Variants in SLC5A1 observed in about 807,000 individuals in gnomAD.
SLC5A1 encodes sodium/glucose cotransporter 1.
SLC5A1 carries 42 observed loss-of-function variants against 73.5 expected under a neutral mutation model. The ratio of observed to expected loss-of-function variants is 0.57; its 90% CI spans 0.45 to 0.74. The LOEUF (loss-of-function observed/expected upper bound fraction) is 0.74. Ranked by LOEUF, SLC5A1 falls within the 30% of genes least tolerant of loss-of-function variation. The pLI, the probability that SLC5A1 is intolerant of heterozygous loss-of-function variation, is 0.00. For missense variants in SLC5A1, 634 were observed against 855.4 expected, an observed-to-expected ratio of 0.74 and a Z score of 3.23; for synonymous variants, 300 against 317.4, an observed-to-expected ratio of 0.95 and a Z score of 0.58.
chr22:32,089,667 A>G (rs1346475240), intron 10 of SLC5A1, among the ~76,000 whole-genome samples: 2 of 152,190 alleles, frequency 1.3e-5, no homozygotes, highest in African/African-American at 2.4e-5. Context: ...ATTTCAGCCT[A>G]CTCAGAACTG....
rs115110265 is a variant in SLC5A1, at chr22:32,070,561, T to C, written c.477+1961T>C. On this transcript the variant is annotated intron_variant, in intron 5 of 14. Transcript: ENST00000266088. ...GTTGCCCAGGCTGATCTCAAACTCC[T>C]GGACTCAAGCAATTCTTCTGCCTCA... Among the ~76,000 whole-genome samples the C allele has an allele frequency of 4.2e-3, 635 of 152,080 alleles. 2 individuals carry two copies. Among genetic ancestry groups the C allele is most frequent in the African/African-American group, 0.015 (610 of 41,456 alleles).
chr22:32,059,026 T>C (rs2093956215), intron 2 of SLC5A1: 2 of 780,322 alleles, frequency 2.6e-6, no homozygotes, highest in Non-Finnish European at 3.1e-6. Context: ...TGATATCACT[T>C]ACTCACTCAG....
At chr22:32,058,192 A>C (rs1440409166) in intron 2 of SLC5A1, among the ~76,000 whole-genome samples, 1 of 152,124 alleles carries the variant, frequency 6.6e-6, no homozygotes, top group African/African-American at 2.4e-5. Flanking sequence ...TGTCATAACG[A>C]ATTCTTCAAA....
At chr22:32,081,323 G>C (rs1320257289) in intron 5 of SLC5A1, among the ~76,000 whole-genome samples, 3 of 152,142 alleles carry the variant, frequency 2.0e-5, no homozygotes, top group Non-Finnish European at 4.4e-5. Flanking sequence ...TGATGTTCTG[G>C]TTGTGTCTGA....
At chr22:32,074,052 A>G (rs2093986963) in intron 5 of SLC5A1, among the ~76,000 whole-genome samples, 1 of 152,080 alleles carries the variant, frequency 6.6e-6, no homozygotes, top group Non-Finnish European at 1.5e-5. Context: ...AGGAGGTCAC[A>G]CTGCAATGAG....
At chr22:32,068,786 C>T (rs1164350874) in intron 5 of SLC5A1, among the ~76,000 whole-genome samples, 186 bp downstream of exon 5, 1 of 152,018 alleles carries the variant, frequency 6.6e-6, no homozygotes, top group Non-Finnish European at 1.5e-5. Flanking sequence ...GGAAATCTGT[C>T]CTCCACTGTG....
At chr22:32,101,987 T>C in intron 12 of SLC5A1, 35 bp from the exon 13 acceptor site, 2 of 1,516,798 alleles carry the variant, frequency 1.3e-6, no homozygotes, top group Non-Finnish European at 1.8e-6. Flanking sequence ...GTTTTGTGTG[T>C]TCAGCATGAG....
chr22:32,099,409 G>A, intron 12 of SLC5A1, 58 bp downstream of exon 12: 1 of 1,463,084 alleles, frequency 6.8e-7, no homozygotes, highest in Non-Finnish European at 9.5e-7. Context: ...TTTCCATGTG[G>A]GTTTGCATAT....
At chr22:32,054,953 G>T (rs572542967) in intron 2 of SLC5A1, among the ~76,000 whole-genome samples, 44 of 152,294 alleles carry the variant, frequency 2.9e-4, no homozygotes, top group African/African-American at 1.0e-3. Context: ...GGGATTACAG[G>T]TGTGAGCCAC....
Position 32,043,376 on chromosome 22 carries a change from TC to T in SLC5A1, c.96del (p.Ile32MetfsTer7). The stretch of plus-strand genomic sequence containing the variant: ...CGCAATGCAGCCGATATCTCCATCA[TC>T]GTTATCTACTTCGTGGTAGTGATGG... ...LIRNAADISI[I>X]VIYFVVVMAV... On this transcript the variant is annotated frameshift_variant, in exon 1 of 15. Transcript: ENST00000266088. LOFTEE classifies it high-confidence loss of function. The surrounding 1 kb of genome is among the most constrained non-coding windows in gnomAD (Gnocchi z 6.5). 1 of 1,614,114 alleles carries T rather than the reference TC, an allele frequency of 6.2e-7. No homozygotes were observed. Among genetic ancestry groups the T allele is most frequent in the African/African-American group, 1.3e-5 (1 of 75,046 alleles).
At chr22:32,107,928 C>A (rs536569456) in intron 14 of SLC5A1, among the ~76,000 whole-genome samples, 1 of 152,256 alleles carries the variant, frequency 6.6e-6, no homozygotes, top group Non-Finnish European at 1.5e-5. Context: ...ACCACCACCA[C>A]CACCACCACC....
chr22:32,082,250 G>C (rs2149491752), intron 6 of SLC5A1, among the ~76,000 whole-genome samples: 1 of 152,294 alleles, frequency 6.6e-6, no homozygotes, highest in East Asian at 1.9e-4. Flanking sequence ...ACTTAGCTAA[G>C]GTGGGAGAAT....
chr22:32,084,881 A>T lies in SLC5A1; in HGVS notation c.886-19A>T. ...GGTCTCTGGTCTGCACACCTCCCTT[A>T]CTGGGCTTTTTCTGGCAGGTCATTG... On this transcript the variant is annotated intron_variant, in intron 8 of 14. Coordinates refer to ENST00000266088, the MANE Select transcript of SLC5A1 (RefSeq NM_000343.4). The T allele has an allele frequency of 6.2e-7, 1 of 1,613,752 alleles. No individual in the cohort carries two copies. Among genetic ancestry groups the T allele is most frequent in the South Asian group, 1.1e-5 (1 of 91,058 alleles).
At position 32,083,082 on chromosome 22, in the gene SLC5A1, G is replaced by A; in HGVS notation, c.592G>A (p.Ala198Thr). Reference protein sequence around the residue: ...TALYTITGGLAAVIYTDTLQT... With the variant: ...TALYTITGGLTAVIYTDTLQT... ...TCTTCTTGCCTGCTTAGGGGGCCTG[G>A]CGGCGGTGATTTACACGGACACCTT... The change falls in exon 7 of 15, where the codon GCG becomes ACG. Residue 198 changes from alanine (A) to threonine (T), a missense_variant. Physicochemically the swap from Ala to Thr is moderately conservative, Grantham distance 58. This residue lies in a region of SLC5A1 where 422 missense variants were observed against 626.1 expected (regional missense o/e 0.67). Transcript: ENST00000266088. 6.2e-7 allele frequency: 1 copy of A among 1,614,164 alleles called. No individual in the cohort carries two copies. The highest frequency in any genetic ancestry group is 8.5e-7 in the Non-Finnish European group (1 of 1,179,994).
chr22:32,086,255 A>G lies in SLC5A1; in HGVS notation c.1057A>G (p.Lys353Glu), dbSNP rs1159979020. The G allele has an allele frequency of 6.2e-7, 1 of 1,613,916 alleles. No individual in the cohort carries two copies. The highest frequency in any genetic ancestry group is 8.5e-7 in the Non-Finnish European group (1 of 1,179,940). Residue 353 changes from lysine (K) to glutamate (E), a missense_variant, in exon 10 of 15, where the codon AAA becomes GAA. Lys to Glu is a moderately conservative substitution (Grantham distance 56, BLOSUM62 1). This residue lies in a region of SLC5A1 where 422 missense variants were observed against 626.1 expected (regional missense o/e 0.67). Coordinates refer to ENST00000266088, the MANE Select transcript of SLC5A1 (RefSeq NM_000343.4). ...IACVVPSECE[K>E]YCGTKVGCTN... ...CTGTGTCGTCCCTTCAGAATGTGAGAAATATTGCGGTACCAAGGTTGGCTG... is the reference window on the plus strand; with the variant it reads ...CTGTGTCGTCCCTTCAGAATGTGAGGAATATTGCGGTACCAAGGTTGGCTG...
intron 11 of SLC5A1, among the ~76,000 whole-genome samples, chr22:32,098,133 C>G (rs999015811): frequency 2.6e-5 from 4 of 152,204 alleles, no homozygotes; most frequent in African/African-American, 9.7e-5. Flanking sequence ...GAAAATCAGT[C>G]AGGCAGTTTC....
chr22:32,097,738 CACTT>C (rs747128601), intron 11 of SLC5A1, among the ~76,000 whole-genome samples: 9 of 152,200 alleles, frequency 5.9e-5, no homozygotes, highest in Non-Finnish European at 1.0e-4. Context: ...GTTTTACTCT[CACTT>C]AGTTAACTAT....
Position 32,084,518 on chromosome 22 carries a change from C to T in SLC5A1, c.744C>T (p.Asn248=), listed in dbSNP as rs185126699. 340 of 1,614,232 alleles carry T rather than the reference C, an allele frequency of 2.1e-4. 2 individuals are homozygous for T. The East Asian group carries it at 7.3e-3, about 35-fold the overall frequency. Residue 248 remains asparagine, a synonymous_variant, in exon 8 of 15, where the codon AAC becomes AAT. Coordinates refer to ENST00000266088, the MANE Select transcript of SLC5A1 (RefSeq NM_000343.4). ...TTCCAACCATAGTGTCTGATGGCAA[C>T]ACCACCTTTCAGGAAAAATGCTACA... is the stretch of plus-strand genomic sequence containing the variant. ...KAIPTIVSDG[N]TTFQEKCYTP... is the part of the protein sequence containing the mutation.
intron 3 of SLC5A1, among the ~76,000 whole-genome samples, chr22:32,067,702 A>C (rs1268854852): frequency 1.3e-5 from 2 of 152,158 alleles, no homozygotes; most frequent in Non-Finnish European, 2.9e-5. Flanking sequence ...TGTGTAAACC[A>C]GGGAAGAGGT....
Sources: allele counts gnomAD v4.1 joint callset (sites outside exome capture counted in the v4.1 genomes callset), GRCh38; gene constraint gnomAD v4.1.1; regional missense constraint gnomAD v4.1.1; non-coding constraint Gnocchi (gnomAD v3.1); transcripts MANE v1.5; gene names NCBI Gene and HGNC (gene_info 2026-07-23, HGNC 2026-07-21).